The following ANKH variants were observed in gnomAD, a reference collection of about 807,000 sequenced individuals.
ANKH encodes ANKH inorganic pyrophosphate transport regulator, also known as mineralization regulator ANKH.
Under a neutral mutation model 49.0 loss-of-function variants are expected in ANKH, and 15 were observed. The ratio of observed to expected loss-of-function variants is 0.31; its 90% confidence interval spans 0.20 to 0.47. The LOEUF (loss-of-function observed/expected upper bound fraction) is 0.47. ANKH is among the 20% of genes least tolerant of loss of function. The pLI, the probability that ANKH is intolerant of heterozygous loss-of-function variation, is 1.00. For synonymous variants in ANKH, 273 were observed against 260.0 expected (o/e 1.05, Z -0.48); for missense variants, 429 against 652.0 (o/e 0.66, Z 3.72).
chr5:14,839,602 T>C (rs970211901), intron 1 of ANKH, among the ~76,000 whole-genome samples: 2 of 152,178 alleles, frequency 1.3e-5, no homozygotes, highest in African/African-American at 4.8e-5. Flanking sequence ...TGGCTAGATT[T>C]TGATCAGTCT....
chr5:14,830,510 A>AGT (rs35379260), intron 1 of ANKH, among the ~76,000 whole-genome samples: 35,657 of 147,202 alleles, frequency 0.24, 4,472 homozygotes, highest in Admixed American at 0.32. Flanking sequence ...AGGTAGGGGG[A>AGT]GTGTGTGTGT....
At position 14,713,116 on chromosome 5, in the gene ANKH, G is replaced by A. The variant is rs1037756800; in HGVS notation, c.1266-143C>T. 4.3e-5 allele frequency: 35 copies of A among 820,218 alleles called. No homozygotes were observed. Among genetic ancestry groups the A allele is most frequent in the South Asian group, 7.5e-5 (5 of 66,458 alleles). The allele number at this position is 820,218 out of a possible 1,614,324, so 50.8% of individuals were successfully genotyped here. On this transcript the variant is annotated intron_variant, in intron 10 of 11. Transcript: ENST00000284268. The surrounding 1 kb of genome is among the most constrained non-coding windows in gnomAD (Gnocchi z 4.4). ...TCCATCTGCTGGCTTCGTAAGGGCCGCAGCTAATAACCTAATGTGTGAGGG... is the reference window on the plus strand; with the variant it reads ...TCCATCTGCTGGCTTCGTAAGGGCCACAGCTAATAACCTAATGTGTGAGGG...
At chr5:14,768,667 T>A (rs996933915) in intron 2 of ANKH, 26 of 463,044 alleles carry the variant, frequency 5.6e-5, no homozygotes, top group South Asian at 2.2e-5. Context: ...CGCACACATA[T>A]CTCTAACGAA....
intron 1 of ANKH, among the ~76,000 whole-genome samples, chr5:14,867,963 A>C (rs534794790): frequency 6.6e-6 from 1 of 152,166 alleles, no homozygotes; most frequent in East Asian, 1.9e-4. Context: ...AAAATGTGAT[A>C]ATAGGTTTTG....
At chr5:14,804,843 G>T (rs575601872) in intron 1 of ANKH, among the ~76,000 whole-genome samples, 4 of 152,190 alleles carry the variant, frequency 2.6e-5, no homozygotes, top group African/African-American at 9.6e-5. Context: ...GGCACATCTG[G>T]CTTTGGGATA....
chr5:14,729,009 C>T (rs1265237492), intron 8 of ANKH, among the ~76,000 whole-genome samples: 1 of 152,162 alleles, frequency 6.6e-6, no homozygotes, highest in Admixed American at 6.5e-5. Flanking sequence ...CCATCCTGAC[C>T]TGCAAGGTGC....
intron 1 of ANKH, among the ~76,000 whole-genome samples, chr5:14,844,570 G>C (rs1741903263): frequency 6.6e-6 from 1 of 152,204 alleles, no homozygotes; most frequent in African/African-American, 2.4e-5. Flanking sequence ...CTACAAGTCA[G>C]AGATCTGGAG....
rs959525000 is a variant in ANKH, at chr5:14,812,880, T to A, written c.97-43689A>T. On this transcript the variant is annotated intron_variant, in intron 1 of 11. Transcript: ENST00000284268. ...GAAACAGACATTCAGTAAACCAACA[T>A]AAATACAAAGCAGCCTCAAATGAGT... 1.8e-4 allele frequency among the ~76,000 whole-genome samples: 27 copies of A among 152,168 alleles called. 1 individual carries two copies.
chr5:14,844,684 T>C (rs1741906116), intron 1 of ANKH, among the ~76,000 whole-genome samples: 1 of 152,232 alleles, frequency 6.6e-6, no homozygotes, highest in South Asian at 2.1e-4. Context: ...TCACTGTCTG[T>C]GACTATCTGC....
chr5:14,712,203 T>C (rs1018151153), intron 11 of ANKH, among the ~76,000 whole-genome samples: 2 of 152,252 alleles, frequency 1.3e-5, no homozygotes, highest in Non-Finnish European at 2.9e-5. Context: ...GCCAGTGTCC[T>C]GAGATGCACG....
At chr5:14,722,318 T>G (rs1201068597) in intron 8 of ANKH, among the ~76,000 whole-genome samples, 7 of 152,214 alleles carry the variant, frequency 4.6e-5, no homozygotes, top group Non-Finnish European at 1.0e-4. Context: ...GTGGGTTTTC[T>G]GCTGTCGAGT....
intron 1 of ANKH, among the ~76,000 whole-genome samples, chr5:14,771,868 C>T (rs1037931665): frequency 3.7e-5 from 5 of 135,792 alleles, no homozygotes; most frequent in African/African-American, 1.4e-4. Context: ...GAGCTGAGAT[C>T]ATGTCACTGC....
In ANKH at chr5:14,713,473, G is replaced by A. The variant is rs1338628386; in HGVS notation, c.1265+71C>T. 1.8e-5 allele frequency: 29 copies of A among 1,588,626 alleles called. No homozygotes were observed. The highest frequency in any genetic ancestry group is 2.4e-5 in the Non-Finnish European group (28 of 1,162,334). On this transcript the variant is annotated intron_variant, in intron 10 of 11. Coordinates refer to ENST00000284268, the MANE Select transcript of ANKH (RefSeq NM_054027.6). The surrounding 1 kb of genome is among the most constrained non-coding windows in gnomAD (Gnocchi z 4.4). ...CCTGGGGATTTCCCCTGAAAATGTA[G>A]CTGTTAAACCTCTGGACACAGTATT... is the stretch of plus-strand genomic sequence containing the variant.
At chr5:14,715,324 T>C (rs914191498) in intron 9 of ANKH, among the ~76,000 whole-genome samples, 2 of 152,056 alleles carry the variant, frequency 1.3e-5, no homozygotes, top group Admixed American at 1.3e-4. Context: ...AGAGACGGGG[T>C]TTCACCATGT....
intron 1 of ANKH, among the ~76,000 whole-genome samples, chr5:14,847,899 T>C (rs1427833706): frequency 6.6e-6 from 1 of 152,190 alleles, no homozygotes; most frequent in East Asian, 1.9e-4. Flanking sequence ...TCCCAACACT[T>C]TGGGAAGCTG....
chr5:14,813,361 G>C (rs1426259654), intron 1 of ANKH, among the ~76,000 whole-genome samples: 1 of 152,106 alleles, frequency 6.6e-6, no homozygotes, highest in Non-Finnish European at 1.5e-5. Flanking sequence ...TACTCACAGG[G>C]TATCAGCAAA....
intron 1 of ANKH, among the ~76,000 whole-genome samples, chr5:14,776,862 C>A (rs1384077633): frequency 6.6e-6 from 1 of 152,236 alleles, no homozygotes; most frequent in African/African-American, 2.4e-5. Context: ...AGCACTCCAA[C>A]AACTGTGAAT....
chr5:14,755,952 A>G lies in ANKH; in HGVS notation c.433-8T>C, dbSNP rs775685004. 2.5e-6 allele frequency: 4 copies of G among 1,613,440 alleles called. No homozygotes were observed. Among genetic ancestry groups the G allele is most frequent in the Middle Eastern group, 1.7e-4 (1 of 6,058 alleles). On this transcript the variant is annotated splice_polypyrimidine_tract_variant and splice_region_variant and intron_variant, in intron 3 of 11. Coordinates refer to ENST00000284268, the MANE Select transcript of ANKH (RefSeq NM_054027.6). ...GCCAGCATGGGTCCATGCCTGCCAG[A>G]AAGAAAAGAATTTGGCATGAGATAC... is the stretch of plus-strand genomic sequence containing the variant.
chr5:14,713,120 C>T lies in ANKH; in HGVS notation c.1266-147G>A. 7.6e-6 allele frequency: 6 copies of T among 791,158 alleles called. No homozygotes were observed. Among genetic ancestry groups the T allele is most frequent in the Admixed American group, 6.1e-5 (3 of 48,858 alleles). 49.0% of individuals were successfully genotyped at this position (791,158 alleles called of 1,614,324 possible). Reference sequence around the variant, plus strand: ...TCTGCTGGCTTCGTAAGGGCCGCAGCTAATAACCTAATGTGTGAGGGGAAC... The same window carrying T: ...TCTGCTGGCTTCGTAAGGGCCGCAGTTAATAACCTAATGTGTGAGGGGAAC... On this transcript the variant is annotated intron_variant, in intron 10 of 11. Transcript: ENST00000284268. This position sits in a 1 kb window ranked among gnomAD's most constrained non-coding sequence, Gnocchi z 4.4.
Sources: allele counts gnomAD v4.1 joint callset (sites outside exome capture counted in the v4.1 genomes callset), GRCh38; gene constraint gnomAD v4.1.1; non-coding constraint Gnocchi (gnomAD v3.1); transcripts MANE v1.5; gene names NCBI Gene and HGNC (gene_info 2026-07-23, HGNC 2026-07-21).